Variants in OSBPL3 observed in about 807,000 individuals in gnomAD.
The protein encoded by OSBPL3 is oxysterol-binding protein-related protein 3.
In OSBPL3, 65 loss-of-function variants were observed where a neutral mutation model predicts 120.1. That is an observed-to-expected ratio of 0.54 (90% CI 0.44 to 0.67). The LOEUF is 0.67. Among genes scored for constraint, OSBPL3 ranks in the 30% least tolerant of loss-of-function variants. OSBPL3 has a pLI of 0.00. For synonymous variants in OSBPL3, 416 were observed against 402.6 expected (o/e 1.03, Z -0.40); for missense variants, 1,004 against 1,082.1 (o/e 0.93, Z 1.01).
chr7:24,849,140 G>GT lies in OSBPL3; in HGVS notation c.1194dup (p.Arg399ThrfsTer20). On this transcript the variant is annotated frameshift_variant, in exon 12 of 23. Coordinates refer to ENST00000313367, the MANE Select transcript of OSBPL3 (RefSeq NM_015550.4). LOFTEE classifies it high-confidence loss of function. This position sits in a 1 kb window ranked among gnomAD's most constrained non-coding sequence, Gnocchi z 5.4. Reference sequence around the variant, plus strand: ...AGCAGAGACTCGGCATGGATTCTGCGTAAGCGTTCTTTAAGATCTGTGTTT... The same window carrying GT: ...AGCAGAGACTCGGCATGGATTCTGCGTTAAGCGTTCTTTAAGATCTGTGTTT... 4 of 1,614,012 alleles carry GT rather than the reference G, an allele frequency of 2.5e-6. No homozygotes were observed. Among genetic ancestry groups the GT allele is most frequent in the Non-Finnish European group, 2.5e-6 (3 of 1,179,878 alleles).
intron 1 of OSBPL3, among the ~76,000 whole-genome samples, chr7:24,917,401 C>CATATATATATATACATATATAT (rs1809740400): frequency 1.0e-5 from 1 of 100,050 alleles, no homozygotes; most frequent in Non-Finnish European, 2.0e-5. Context: ...ATATTTGTAA[C>CATATATATATATACATATATAT]ATATATATAT....
At position 24,917,103 on chromosome 7, in the gene OSBPL3, C is replaced by T. The variant is rs146321462; in HGVS notation, c.-149-24482G>A. On this transcript the variant is annotated intron_variant, in intron 1 of 22. Coordinates refer to ENST00000313367, the MANE Select transcript of OSBPL3 (RefSeq NM_015550.4). ...TACCACAGAACTCCAAGAATGCATT[C>T]CAGTGACAACAAGCTTATCTACTAC... 8.5e-4 allele frequency among the ~76,000 whole-genome samples: 129 copies of T among 152,062 alleles called. 1 individual carries two copies. The highest frequency in any genetic ancestry group is 2.8e-3 in the African/African-American group (117 of 41,458).
chr7:24,901,955 G>A (rs542515406), intron 1 of OSBPL3, among the ~76,000 whole-genome samples: 5 of 152,286 alleles, frequency 3.3e-5, no homozygotes, highest in Non-Finnish European at 7.4e-5. Flanking sequence ...ACGATACTGG[G>A]AAATTTTGTA....
Position 24,946,863 on chromosome 7 carries a change from C to G in OSBPL3, c.-150+33023G>C, listed in dbSNP as rs189242978. Among the ~76,000 whole-genome samples, 4 of 152,328 alleles carry G rather than the reference C, an allele frequency of 2.6e-5. No homozygotes were observed. The highest frequency in any genetic ancestry group is 2.1e-4 in the South Asian group (1 of 4,830). ...AGAGAGAAATTGACTCCATCTATAT[C>G]ATCTGCTTTGTGAGGATAAGAACTG... On this transcript the variant is annotated intron_variant, in intron 1 of 22. Transcript: ENST00000313367. This position sits in a 1 kb window ranked among gnomAD's most constrained non-coding sequence, Gnocchi z 4.3.
chr7:24,884,753 T>A (rs1804239056), intron 2 of OSBPL3, among the ~76,000 whole-genome samples: 1 of 152,080 alleles, frequency 6.6e-6, no homozygotes, highest in Non-Finnish European at 1.5e-5. Flanking sequence ...TTGTCCAAGA[T>A]CAAACAACTT....
chr7:24,963,765 T>C (rs1341011083), intron 1 of OSBPL3, among the ~76,000 whole-genome samples: 2 of 152,206 alleles, frequency 1.3e-5, no homozygotes, highest in African/African-American at 2.4e-5. Context: ...ATCTTTAACA[T>C]GTGAGGAGTG....
rs531401074 is a variant in OSBPL3, at chr7:24,836,649, T to C, written c.1496-1913A>G. Among the ~76,000 whole-genome samples the C allele has an allele frequency of 2.6e-5, 4 of 152,258 alleles. No homozygotes were observed. In the South Asian group the frequency reaches 8.3e-4, roughly 32 times the overall value. The stretch of plus-strand genomic sequence containing the variant: ...CTCTTGCATATTATTTTTATTTATA[T>C]ATCAATAAACATACTTTGTTGATAT... On this transcript the variant is annotated intron_variant, in intron 14 of 22. Transcript: ENST00000313367.
Position 24,832,529 on chromosome 7 carries a change from A to G in OSBPL3, c.1747-1624T>C, listed in dbSNP as rs530730363. Among the ~76,000 whole-genome samples the G allele has an allele frequency of 3.2e-3, 478 of 150,944 alleles. 6 individuals are homozygous for G. The highest frequency in any genetic ancestry group is 0.011 in the African/African-American group (445 of 41,200). ...TGCCTCAAAGAAAAAAAAAAAAAAA[A>G]AAGAAGAAGAAAAAATCAACTGCAC... On this transcript the variant is annotated intron_variant, in intron 15 of 22. Coordinates refer to ENST00000313367, the MANE Select transcript of OSBPL3 (RefSeq NM_015550.4).
chr7:24,914,612 C>A (rs1281134452), intron 1 of OSBPL3, among the ~76,000 whole-genome samples: 12 of 152,008 alleles, frequency 7.9e-5, no homozygotes, highest in Non-Finnish European at 1.5e-5. Flanking sequence ...GCTCCACCTC[C>A]TCTGAAAAAG....
At position 24,813,749 on chromosome 7, in the gene OSBPL3, C is replaced by A. The variant is rs1484996376; in HGVS notation, c.2172+1310G>T. ...TTATTATTTCGATCTTTGTTAAATG[C>A]CAATATTCCTTGAGGAGGGTCATGT... is the stretch of plus-strand genomic sequence containing the variant. On this transcript the variant is annotated intron_variant, in intron 19 of 22. Coordinates refer to ENST00000313367, the MANE Select transcript of OSBPL3 (RefSeq NM_015550.4). This position sits in a 1 kb window ranked among gnomAD's most constrained non-coding sequence, Gnocchi z 4.5. Among the ~76,000 whole-genome samples, 1 of 152,130 alleles carries A rather than the reference C, an allele frequency of 6.6e-6. No homozygotes were observed. The highest frequency in any genetic ancestry group is 6.6e-5 in the Admixed American group (1 of 15,266).
chr7:24,919,768 G>A (rs1445586190), intron 1 of OSBPL3, among the ~76,000 whole-genome samples: 4 of 150,322 alleles, frequency 2.7e-5, no homozygotes, highest in South Asian at 2.1e-4. Context: ...CATCTGATAT[G>A]GGTCTAGTAT....
At chr7:24,841,362 G>A (rs1036545587) in intron 13 of OSBPL3, among the ~76,000 whole-genome samples, 5 of 151,120 alleles carry the variant, frequency 3.3e-5, no homozygotes, top group African/African-American at 7.3e-5. Flanking sequence ...AAAAATATAC[G>A]GGATGCTAAT....
chr7:24,956,664 C>A (rs1414125231), intron 1 of OSBPL3, among the ~76,000 whole-genome samples: 1 of 152,140 alleles, frequency 6.6e-6, no homozygotes, highest in Non-Finnish European at 1.5e-5. Flanking sequence ...TGTATTCTTC[C>A]TTGTAAAACA....
intron 1 of OSBPL3, among the ~76,000 whole-genome samples, chr7:24,979,545 T>G (rs181377087): frequency 6.6e-6 from 1 of 152,112 alleles, no homozygotes; most frequent in Non-Finnish European, 1.5e-5. Context: ...GCGTAGCGCC[T>G]CCCCGCTGCC....
chr7:24,846,394 C>T (rs966461302), intron 12 of OSBPL3, among the ~76,000 whole-genome samples: 3 of 152,174 alleles, frequency 2.0e-5, no homozygotes, highest in Admixed American at 2.0e-4. Context: ...ACTATCACCA[C>T]CTACTTCATA....
chr7:24,884,426 A>G (rs1804178216), intron 2 of OSBPL3, among the ~76,000 whole-genome samples: 1 of 152,196 alleles, frequency 6.6e-6, no homozygotes. Flanking sequence ...TCCAAAGGGT[A>G]GCATGAAAGG....
rs149813396 is a variant in OSBPL3, at chr7:24,816,611, C to A, written c.2026G>T (p.Val676Phe). ...CTTAACCACAGAAGAAGAACTTACA[C>A]TGGCAGAGTCACATGGGTTGTGCCA... ...PIGTTHVTLP[V>F]FGDHFEWNKV... Residue 676 changes from valine (V) to phenylalanine (F), a missense_variant and splice_region_variant, in exon 18 of 23, where the codon GTT becomes TTT. Val to Phe is a conservative substitution (Grantham distance 50, BLOSUM62 -1). This residue lies in a region of OSBPL3 where 473 missense variants were observed against 568.0 expected (regional missense o/e 0.83). Transcript: ENST00000313367. 1.2e-6 allele frequency: 2 copies of A among 1,608,834 alleles called. No individual in the cohort carries two copies. The highest frequency in any genetic ancestry group is 1.3e-5 in the African/African-American group (1 of 74,844).
intron 1 of OSBPL3, among the ~76,000 whole-genome samples, chr7:24,975,063 G>A (rs1817432754): frequency 1.3e-5 from 2 of 151,986 alleles, no homozygotes; most frequent in Admixed American, 1.3e-4. Context: ...ATTCAGAAAG[G>A]GTCTTTCAAA....
rs1792995865 is a variant in OSBPL3 at position 24,806,077 on chromosome 7, C to T, written c.2444+699G>A. On this transcript the variant is annotated intron_variant, in intron 21 of 22. Transcript: ENST00000313367. The surrounding 1 kb of genome is among the most constrained non-coding windows in gnomAD (Gnocchi z 5.2). ...GTTCAAGCAATTCTCGTGCCTCAGCCTCCCAAGTAGTTGGGACTACGGGCA... is the reference window on the plus strand; with the variant it reads ...GTTCAAGCAATTCTCGTGCCTCAGCTTCCCAAGTAGTTGGGACTACGGGCA... Among the ~76,000 whole-genome samples, 1 of 152,204 alleles carries T rather than the reference C, an allele frequency of 6.6e-6. No individual in the cohort carries two copies. The highest frequency in any genetic ancestry group is 6.5e-5 in the Admixed American group (1 of 15,288).
Sources: allele counts gnomAD v4.1 joint callset (sites outside exome capture counted in the v4.1 genomes callset), GRCh38; gene constraint gnomAD v4.1.1; regional missense constraint gnomAD v4.1.1; non-coding constraint Gnocchi (gnomAD v3.1); transcripts MANE v1.5; gene names NCBI Gene and HGNC (gene_info 2026-07-23, HGNC 2026-07-21).